The following GRXCR1 variants were observed in gnomAD, a reference collection of about 807,000 sequenced individuals.
The protein encoded by GRXCR1 is glutaredoxin and cysteine rich domain containing 1, also known as glutaredoxin domain-containing cysteine-rich protein 1.
GRXCR1 carries 27 observed loss-of-function variants against 27.3 expected under a neutral mutation model. The observed-to-expected ratio is 0.99, with a 90% CI of 0.73 to 1.37. The LOEUF is 1.37. GRXCR1 is among the 40% of genes most tolerant of loss of function. The pLI, the probability that GRXCR1 is intolerant of heterozygous loss-of-function variation, is 0.00. For synonymous variants in GRXCR1, 122 were observed against 131.1 expected (o/e 0.93, Z 0.47); for missense variants, 379 against 354.4 (o/e 1.07, Z -0.56).
At chr4:43,004,190 C>A (rs12506052) in intron 2 of GRXCR1, among the ~76,000 whole-genome samples, 2 of 152,300 alleles carry the variant, frequency 1.3e-5, no homozygotes, top group East Asian at 3.9e-4. Flanking sequence ...AAGCCTCAAG[C>A]CTTGGTGGCA....
At chr4:42,951,275 CT>C (rs1157837211) in intron 1 of GRXCR1, among the ~76,000 whole-genome samples, 1 of 152,194 alleles carries the variant, frequency 6.6e-6, no homozygotes, top group African/African-American at 2.4e-5. Flanking sequence ...GGAAGGCTAT[CT>C]GCTTCTAAAT....
chr4:42,950,808 A>G (rs1320608853), intron 1 of GRXCR1, among the ~76,000 whole-genome samples: 2 of 152,154 alleles, frequency 1.3e-5, no homozygotes, highest in East Asian at 3.9e-4. Context: ...TACCACTACT[A>G]TATTAGTCAG....
chr4:42,972,735 T>C (rs933476664), intron 2 of GRXCR1, among the ~76,000 whole-genome samples: 2 of 152,180 alleles, frequency 1.3e-5, no homozygotes, highest in Non-Finnish European at 2.9e-5. Flanking sequence ...CACTATTTAA[T>C]CATCTTCAGA....
In GRXCR1 at chr4:43,030,475, A is replaced by G. The variant is rs1187127448; in HGVS notation, c.808A>G (p.Lys270Glu). Reference protein sequence around the residue: ...MFRNCFTDSFKALKCTACNEN... With the variant: ...MFRNCFTDSFEALKCTACNEN... ...TCGAAACTGCTTCACAGACTCTTTC[A>G]AAGCCCTGAAGTGTACGGCTTGCAA... The change falls in exon 4 of 4, where the codon AAA becomes GAA. Residue 270 changes from lysine (K) to glutamate (E), a missense_variant. Coordinates refer to ENST00000399770, the MANE Select transcript of GRXCR1 (RefSeq NM_001080476.3). 6.2e-7 allele frequency: 1 copy of G among 1,614,144 alleles called. No individual in the cohort carries two copies. Among genetic ancestry groups the G allele is most frequent in the Admixed American group, 1.7e-5 (1 of 60,030 alleles).
At chr4:42,948,490 G>A (rs1203613718) in intron 1 of GRXCR1, among the ~76,000 whole-genome samples, 2 of 152,080 alleles carry the variant, frequency 1.3e-5, no homozygotes, top group East Asian at 3.9e-4. Context: ...TGTTTCTAGA[G>A]CAAGTTGATA....
At position 42,943,952 on chromosome 4, in the gene GRXCR1, A is replaced by G. The variant is rs116821152; in HGVS notation, c.385-18940A>G. On this transcript the variant is annotated intron_variant, in intron 1 of 3. Coordinates refer to ENST00000399770, the MANE Select transcript of GRXCR1 (RefSeq NM_001080476.3). ...ATTAAAAATGTGATCCAAAATATCA[A>G]TGGTGCTAAGGTTGAGAAACTGTAT... Among the ~76,000 whole-genome samples the G allele has an allele frequency of 5.3e-3, 813 of 152,180 alleles. 10 individuals carry two copies. The highest frequency in any genetic ancestry group is 0.018 in the African/African-American group (768 of 41,548).
At chr4:42,928,875 T>C (rs1455882792) in intron 1 of GRXCR1, among the ~76,000 whole-genome samples, 1 of 152,026 alleles carries the variant, frequency 6.6e-6, no homozygotes, top group African/African-American at 2.4e-5. Context: ...TTGGCTAGTT[T>C]GCATATCAAA....
At chr4:42,928,797 G>A (rs1187034168) in intron 1 of GRXCR1, among the ~76,000 whole-genome samples, 1 of 151,932 alleles carries the variant, frequency 6.6e-6, no homozygotes, top group Non-Finnish European at 1.5e-5. Context: ...GTCCCTAGTT[G>A]TCTGATCCCT....
intron 1 of GRXCR1, among the ~76,000 whole-genome samples, chr4:42,944,492 T>C (rs1747697959): frequency 6.6e-6 from 1 of 152,140 alleles, no homozygotes; most frequent in Non-Finnish European, 1.5e-5. Context: ...CAGCCAGTTA[T>C]GCATTTTTAT....
chr4:43,028,784 A>G (rs1713333840), intron 3 of GRXCR1, among the ~76,000 whole-genome samples: 1 of 152,220 alleles, frequency 6.6e-6, no homozygotes, highest in Non-Finnish European at 1.5e-5. Flanking sequence ...CAATTCTTGC[A>G]CAAAGAAATG....
chr4:42,973,008 G>C (rs1748424546), intron 2 of GRXCR1, among the ~76,000 whole-genome samples: 1 of 151,872 alleles, frequency 6.6e-6, no homozygotes, highest in South Asian at 2.1e-4. Context: ...CTCATCATTG[G>C]CATTTTTAAT....
chr4:42,982,288 G>A (rs1250430855), intron 2 of GRXCR1, among the ~76,000 whole-genome samples: 1 of 139,474 alleles, frequency 7.2e-6, no homozygotes, highest in African/African-American at 2.7e-5. Flanking sequence ...TCCCACCTAT[G>A]AGTGAGAATA....
At chr4:42,988,743 G>C (rs375287108) in intron 2 of GRXCR1, among the ~76,000 whole-genome samples, 2 of 152,260 alleles carry the variant, frequency 1.3e-5, no homozygotes, top group East Asian at 3.9e-4. Flanking sequence ...ATAAGCTGTG[G>C]TCTTTGCCAC....
At chr4:42,928,524 G>T (rs2109755014) in intron 1 of GRXCR1, among the ~76,000 whole-genome samples, 1 of 152,060 alleles carries the variant, frequency 6.6e-6, no homozygotes, top group African/African-American at 2.4e-5. Flanking sequence ...TATTTTTGAT[G>T]GGATAGTCAG....
chr4:42,904,187 T>C (rs1307528476), intron 1 of GRXCR1, among the ~76,000 whole-genome samples: 1 of 152,196 alleles, frequency 6.6e-6, no homozygotes, highest in Non-Finnish European at 1.5e-5. Context: ...TCCATCTTCA[T>C]TGCTACTCCT....
At chr4:42,933,728 C>T (rs1394988599) in intron 1 of GRXCR1, among the ~76,000 whole-genome samples, 1 of 151,866 alleles carries the variant, frequency 6.6e-6, no homozygotes, top group African/African-American at 2.4e-5. Flanking sequence ...GAGAAGATGC[C>T]ACCTCTGAAC....
At chr4:43,011,257 G>A (rs994821812) in intron 2 of GRXCR1, among the ~76,000 whole-genome samples, 1 of 152,108 alleles carries the variant, frequency 6.6e-6, no homozygotes, top group Admixed American at 6.5e-5. Flanking sequence ...CCTTTTCCCT[G>A]GCCTACCTGG....
At chr4:42,982,067 T>A (rs943617934) in intron 2 of GRXCR1, among the ~76,000 whole-genome samples, 3 of 151,494 alleles carry the variant, frequency 2.0e-5, no homozygotes, top group African/African-American at 4.8e-5. Flanking sequence ...TTTTTTTTTT[T>A]ATTATACTTT....
intron 2 of GRXCR1, among the ~76,000 whole-genome samples, chr4:42,979,187 C>A (rs1182711404): frequency 1.3e-5 from 2 of 151,940 alleles, no homozygotes; most frequent in Admixed American, 6.6e-5. Context: ...GTTTCTCTTA[C>A]CTAATTGTTA....
Sources: allele counts gnomAD v4.1 joint callset (sites outside exome capture counted in the v4.1 genomes callset), GRCh38; gene constraint gnomAD v4.1.1; transcripts MANE v1.5; gene names NCBI Gene and HGNC (gene_info 2026-07-23, HGNC 2026-07-21).